The following PCCA variants were observed in gnomAD, a reference collection of about 807,000 sequenced individuals.
PCCA encodes propionyl-CoA carboxylase subunit alpha, also known as propionyl-CoA carboxylase alpha chain, mitochondrial.
PCCA carries 74 observed loss-of-function variants against 101.3 expected under a neutral mutation model. The ratio of observed to expected loss-of-function variants is 0.73; its 90% CI spans 0.61 to 0.89. The LOEUF (loss-of-function observed/expected upper bound fraction) is 0.89. Among genes scored for constraint, PCCA ranks in the 40% least tolerant of loss-of-function variants. The pLI is 0.00. For synonymous variants in PCCA, 294 were observed against 313.6 expected (o/e 0.94, Z 0.66); for missense variants, 891 against 907.0 (o/e 0.98, Z 0.23).
chr13:100,491,864 A>G, intron 21 of PCCA: 1 of 748,612 alleles, frequency 1.3e-6, no homozygotes, highest in Non-Finnish European at 1.7e-6. Flanking sequence ...AGTGAATATG[A>G]GTTAAATGAG....
chr13:100,525,128 G>GGAT (rs112869530), intron 22 of PCCA, among the ~76,000 whole-genome samples: 2,803 of 152,238 alleles, frequency 0.018, 105 homozygotes, highest in African/African-American at 0.064. Context: ...AATGAAAGGC[G>GGAT]GATGGAGCAG....
chr13:100,268,648 G>A (rs759764932), intron 10 of PCCA, 41 bp from the exon 11 acceptor site: 2 of 1,356,454 alleles, frequency 1.5e-6, no homozygotes, highest in Admixed American at 1.7e-5. Context: ...CTACTTTGTG[G>A]GTGTGGTTAT....
intron 6 of PCCA, among the ~76,000 whole-genome samples, chr13:100,196,076 A>G (rs2058086558): frequency 6.6e-6 from 1 of 152,210 alleles, no homozygotes; most frequent in African/African-American, 2.4e-5. Context: ...TAACGAACAT[A>G]GTAATTCAAA....
intron 18 of PCCA, among the ~76,000 whole-genome samples, chr13:100,355,133 A>G (rs7328935): frequency 0.74 from 112,282 of 151,972 alleles, 41,970 homozygotes; most frequent in Middle Eastern, 0.81. Flanking sequence ...TTTCTCCTAG[A>G]GATACAAAGT....
chr13:100,275,814 A>G (rs1439455252), intron 12 of PCCA, among the ~76,000 whole-genome samples: 1 of 152,126 alleles, frequency 6.6e-6, no homozygotes, highest in Admixed American at 6.5e-5. Context: ...AAAACTGATA[A>G]CAGTGTCTTT....
At chr13:100,103,069 T>G (rs1400531810) in intron 2 of PCCA, 109 bp downstream of exon 2, 18 of 742,740 alleles carry the variant, frequency 2.4e-5, no homozygotes, top group Non-Finnish European at 4.1e-5. Context: ...TAAGGCTGTG[T>G]GGTCATTGAT....
At chr13:100,285,505 G>A (rs1397291559) in intron 12 of PCCA, among the ~76,000 whole-genome samples, 3 of 152,142 alleles carry the variant, frequency 2.0e-5, no homozygotes, top group Non-Finnish European at 4.4e-5. Flanking sequence ...TTGCAGCAGT[G>A]GCCGTCTTAG....
At chr13:100,426,100 G>A (rs1033551599) in intron 20 of PCCA, among the ~76,000 whole-genome samples, 8 of 151,784 alleles carry the variant, frequency 5.3e-5, no homozygotes, top group Non-Finnish European at 1.2e-4. Flanking sequence ...ATTACGTAGT[G>A]TTAGGCTAGT....
At chr13:100,225,403 A>C (rs1298139150) in intron 7 of PCCA, among the ~76,000 whole-genome samples, 1 of 152,246 alleles carries the variant, frequency 6.6e-6, no homozygotes. Context: ...CGTTTACACC[A>C]CAGAACAGAG....
At chr13:100,262,630 G>A (rs975310822) in intron 9 of PCCA, 99 bp from the exon 10 acceptor site, 7 of 728,558 alleles carry the variant, frequency 9.6e-6, no homozygotes, top group Non-Finnish European at 1.7e-5. Context: ...TATAATGATA[G>A]CTCTATTTGT....
chr13:100,376,299 G>A (rs980162623), intron 19 of PCCA, among the ~76,000 whole-genome samples: 3 of 152,238 alleles, frequency 2.0e-5, no homozygotes, highest in Non-Finnish European at 4.4e-5. Flanking sequence ...CTGCGGGGGG[G>A]TGTCTCCCAG....
chr13:100,359,353 A>G (rs1303718959), intron 18 of PCCA, among the ~76,000 whole-genome samples: 2 of 152,206 alleles, frequency 1.3e-5, no homozygotes, highest in African/African-American at 4.8e-5. Context: ...AGTTGGAAAG[A>G]AAAGAATAAA....
chr13:100,525,300 G>A (rs1223126246), intron 22 of PCCA, among the ~76,000 whole-genome samples: 1 of 152,210 alleles, frequency 6.6e-6, no homozygotes, highest in African/African-American at 2.4e-5. Context: ...CACTTTTCCT[G>A]ATTGTCTCGG....
intron 11 of PCCA, among the ~76,000 whole-genome samples, 193 bp downstream of exon 11, chr13:100,268,976 C>A (rs190804025): frequency 3.3e-5 from 5 of 152,092 alleles, no homozygotes; most frequent in Admixed American, 2.6e-4. Context: ...CAGCCTCCCA[C>A]GTAGCCGGGA....
chr13:100,493,623 T>C (rs187950059), intron 21 of PCCA, among the ~76,000 whole-genome samples: 1 of 152,250 alleles, frequency 6.6e-6, no homozygotes, highest in East Asian at 1.9e-4. Context: ...GTGGTCCAAA[T>C]TGGGGAAATA....
intron 19 of PCCA, among the ~76,000 whole-genome samples, chr13:100,386,364 T>A (rs965534949): frequency 6.6e-6 from 1 of 152,080 alleles, no homozygotes; most frequent in Non-Finnish European, 1.5e-5. Flanking sequence ...GTTGAGAGTG[T>A]CTTCTATGTG....
chr13:100,407,774 T>C (rs2077771903), intron 19 of PCCA, among the ~76,000 whole-genome samples: 1 of 152,228 alleles, frequency 6.6e-6, no homozygotes, highest in South Asian at 2.1e-4. Context: ...CATTTTACTG[T>C]TCTTACATAC....
chr13:100,167,421 G>A (rs188839742), intron 6 of PCCA, among the ~76,000 whole-genome samples: 224 of 152,160 alleles, frequency 1.5e-3, no homozygotes, highest in African/African-American at 5.2e-3. Flanking sequence ...TTGGTGGCAT[G>A]CAGCTGTAGT....
At chr13:100,284,810 G>C (rs191856593) in intron 12 of PCCA, among the ~76,000 whole-genome samples, 7 of 152,198 alleles carry the variant, frequency 4.6e-5, no homozygotes, top group Non-Finnish European at 5.9e-5. Flanking sequence ...TCCCAACTTA[G>C]GTGGACGGTC....
Sources: gnomAD v4.1 joint callset for allele counts (sites outside exome capture counted in the v4.1 genomes callset) on GRCh38, gnomAD v4.1.1 for gene constraint, MANE v1.5 for transcripts, NCBI Gene and HGNC (gene_info 2026-07-23, HGNC 2026-07-21) for gene names.